CTPS2: variants seen among roughly 807,000 people sequenced by gnomAD.
CTPS2 encodes CTP synthase 2, also known as CTP synthase II.
Under a neutral mutation model 46.8 loss-of-function variants are expected in CTPS2, and 19 were observed. The ratio of observed to expected loss-of-function variants is 0.41; its 90% CI spans 0.28 to 0.60. The LOEUF (loss-of-function observed/expected upper bound fraction) is 0.60, where lower values mean the gene tolerates loss of function less well. Ranked by LOEUF, CTPS2 falls within the 20% of genes least tolerant of loss-of-function variation. The pLI, the probability that CTPS2 is intolerant of heterozygous loss-of-function variation, is 0.35. For synonymous variants in CTPS2, 151 were observed against 165.2 expected, an observed-to-expected ratio of 0.91 and a Z score of 0.66; for missense variants, 286 against 447.6, an observed-to-expected ratio of 0.64 and a Z score of 3.26.
At chrX:16,696,676 A>G (rs1238638033) in intron 4 of CTPS2, among the ~76,000 whole-genome samples, 1 of 111,459 alleles carries the variant, frequency 9.0e-6, no homozygotes, top group Non-Finnish European at 1.9e-5. Context: ...GTGGATAGCT[A>G]CTGCACTCCA....
chrX:16,615,318 G>C (rs1930474965), intron 16 of CTPS2, among the ~76,000 whole-genome samples: 1 of 111,378 alleles, frequency 9.0e-6, no homozygotes, highest in African/African-American at 3.3e-5. Flanking sequence ...CAGCCTGGGT[G>C]ACAGAGCTAG....
chrX:16,635,914 G>T (rs978539009), intron 14 of CTPS2, among the ~76,000 whole-genome samples: 1 of 111,477 alleles, frequency 9.0e-6, no homozygotes, highest in African/African-American at 3.3e-5. Context: ...TTTAGAAAAA[G>T]GACTTTTTAA....
intron 17 of CTPS2, 81 bp from the exon 18 acceptor site, chrX:16,590,943 T>G: frequency 1.5e-6 from 1 of 667,135 alleles, no homozygotes. Flanking sequence ...TCAAACACAT[T>G]CCATATTAAC....
chrX:16,709,075 C>T (rs1925238930), intron 1 of CTPS2, among the ~76,000 whole-genome samples: 1 of 110,390 alleles, frequency 9.1e-6, no homozygotes, highest in Admixed American at 9.7e-5. Flanking sequence ...CACCATTGCA[C>T]TCCAGCCTGG....
chrX:16,621,180 G>T (rs754358101), intron 14 of CTPS2, among the ~76,000 whole-genome samples: 2 of 108,466 alleles, frequency 1.8e-5, no homozygotes, highest in African/African-American at 6.7e-5. Context: ...CCAGTGTGGC[G>T]ATGGGCACGG....
intron 1 of CTPS2, among the ~76,000 whole-genome samples, chrX:16,707,976 G>A (rs945520849): frequency 1.8e-5 from 2 of 109,000 alleles, no homozygotes; most frequent in Non-Finnish European, 3.8e-5. Flanking sequence ...GGTGAGACTC[G>A]GTACCAAAAA....
chrX:16,668,398 C>G (rs1336674104), intron 11 of CTPS2, among the ~76,000 whole-genome samples: 9 of 103,410 alleles, frequency 8.7e-5, no homozygotes, highest in Non-Finnish European at 5.9e-5. Flanking sequence ...CATGGTGAAA[C>G]CCCATCTCTA....
At chrX:16,664,443 T>C (rs1327870384) in intron 13 of CTPS2, among the ~76,000 whole-genome samples, 1 of 109,375 alleles carries the variant, frequency 9.1e-6, no homozygotes, top group Non-Finnish European at 1.9e-5. Context: ...TTACAAGCTA[T>C]AAAAAAAAAG....
intron 13 of CTPS2, among the ~76,000 whole-genome samples, chrX:16,659,734 A>G (rs1351524396): frequency 8.9e-6 from 1 of 111,826 alleles, no homozygotes; most frequent in Admixed American, 9.5e-5. Context: ...CACTTCACGT[A>G]GTTACTGTTG....
chrX:16,601,766 C>G (rs1057076499), intron 17 of CTPS2, among the ~76,000 whole-genome samples: 2 of 111,639 alleles, frequency 1.8e-5, no homozygotes, highest in African/African-American at 6.5e-5. Context: ...AAGTTCCTAC[C>G]ATAGACCAGG....
At chrX:16,666,963 C>T (rs1481863272) in intron 13 of CTPS2, among the ~76,000 whole-genome samples, 2 of 111,340 alleles carry the variant, frequency 1.8e-5, no homozygotes, top group Admixed American at 9.6e-5. Context: ...TAATCCTTTC[C>T]TAAACATTAA....
chrX:16,690,888 G>C (rs191986937), intron 7 of CTPS2, among the ~76,000 whole-genome samples: 38 of 112,280 alleles, frequency 3.4e-4, no homozygotes, highest in Non-Finnish European at 6.2e-4. Flanking sequence ...CGTGTGTTTG[G>C]GGTGACTTAA....
At chrX:16,601,932 G>T (rs1443213239) in intron 17 of CTPS2, among the ~76,000 whole-genome samples, 1 of 111,296 alleles carries the variant, frequency 9.0e-6, no homozygotes, top group Non-Finnish European at 1.9e-5. Flanking sequence ...TTTGAACTCG[G>T]TTGACAGCTA....
chrX:16,676,843 C>T (rs974821168), intron 10 of CTPS2, among the ~76,000 whole-genome samples: 2 of 110,896 alleles, frequency 1.8e-5, no homozygotes, highest in African/African-American at 6.6e-5. Context: ...GGGTGGATAA[C>T]GAGGTCAAGA....
chrX:16,672,137 T>A (rs1397998712), intron 10 of CTPS2, among the ~76,000 whole-genome samples: 1 of 111,429 alleles, frequency 9.0e-6, no homozygotes, highest in Non-Finnish European at 1.9e-5. Context: ...AGAATAGGTT[T>A]GGCACTATGG....
chrX:16,709,848 CAA>C (rs35017705), intron 1 of CTPS2, among the ~76,000 whole-genome samples: 5 of 23,749 alleles, frequency 2.1e-4, no homozygotes, highest in African/African-American at 7.2e-4. Context: ...ACTCTGTCTC[CAA>C]AAAAAAAAAA....
At chrX:16,703,723 G>T (rs1924765549) in intron 1 of CTPS2, among the ~76,000 whole-genome samples, 1 of 111,403 alleles carries the variant, frequency 9.0e-6, no homozygotes, top group Admixed American at 9.7e-5. Flanking sequence ...GCTTTTTATT[G>T]TTGTCACTAT....
chrX:16,594,151 T>C (rs757889926), intron 17 of CTPS2, among the ~76,000 whole-genome samples: 11 of 111,498 alleles, frequency 9.9e-5, no homozygotes, highest in Admixed American at 1.9e-4. Flanking sequence ...GTTTAAGCTG[T>C]GCCACAGGTA....
intron 14 of CTPS2, among the ~76,000 whole-genome samples, chrX:16,626,257 C>T (rs1335307007): frequency 9.0e-6 from 1 of 111,146 alleles, no homozygotes; most frequent in Non-Finnish European, 1.9e-5. Context: ...TGGTGGACAC[C>T]TGTAATCCCA....
Sources: allele counts gnomAD v4.1 joint callset (sites outside exome capture counted in the v4.1 genomes callset), GRCh38; gene constraint gnomAD v4.1.1; transcripts MANE v1.5; gene names NCBI Gene and HGNC (gene_info 2026-07-23, HGNC 2026-07-21).